Variants in DLC1 observed in about 807,000 individuals in gnomAD.
DLC1 encodes the protein DLC1 Rho GTPase activating protein.
Under a neutral mutation model 140.3 loss-of-function variants are expected in DLC1, and 54 were observed. That is an observed-to-expected ratio of 0.38 (90% CI 0.31 to 0.48). The LOEUF is 0.48. Among genes scored for constraint, DLC1 ranks in the 20% least tolerant of loss-of-function variants. The probability of loss-of-function intolerance (pLI) is 0.96; values close to 1 mark genes in which losing one functional copy is unlikely to be tolerated. For missense variants in DLC1, 2,536 were observed against 1,907.0 expected (o/e 1.33, Z -6.14); for synonymous variants, 986 against 728.1 (o/e 1.35, Z -5.70).
Position 13,533,028 on chromosome 8 carries a change from G to T in DLC1, c.-125-32832C>A, listed in dbSNP as rs913165902. Among the ~76,000 whole-genome samples the T allele has an allele frequency of 7.2e-5, 11 of 152,178 alleles. No homozygotes were observed. In the East Asian group the frequency reaches 1.5e-3, roughly 21 times the overall value. On this transcript the variant is annotated intron_variant, in intron 1 of 1. Transcript: ENST00000631382. ...TTAAAAAATTTGGAACTAGCCTGTG[G>T]AATAATTGTTAGATAAAATGGGAGT...
chr8:13,542,051 C>T (rs922117627), intron 1 of DLC1, among the ~76,000 whole-genome samples: 1 of 152,218 alleles, frequency 6.6e-6, no homozygotes, highest in African/African-American at 2.4e-5. Flanking sequence ...TGAGGGGCAA[C>T]TGTTTCTAAT....
chr8:13,521,098 G>A (rs1233845962), intron 1 of DLC1, among the ~76,000 whole-genome samples: 2 of 152,088 alleles, frequency 1.3e-5, no homozygotes, highest in African/African-American at 2.4e-5. Flanking sequence ...CATGTCCATT[G>A]CAGGGACATG....
rs1799245535 is a variant in DLC1, at chr8:13,453,527, TGTATATATATACATATATATATATATA to T, written c.1023+45495_1023+45521del. ...GTATATATATATACATATATATATA[TGTATATATATACATATATATATATATA>T]TATTTTTTTTTTTTTTTTTTCAGAT... On this transcript the variant is annotated intron_variant, in intron 2 of 17. Coordinates refer to ENST00000276297, the MANE Select transcript of DLC1 (RefSeq NM_182643.3). Among the ~76,000 whole-genome samples the T allele has an allele frequency of 9.0e-5, 5 of 55,494 alleles. 1 individual carries two copies. The highest frequency in any genetic ancestry group is 4.7e-4 in the African/African-American group (5 of 10,704). The allele number at this position is 55,494 out of a possible 152,430, so 36.4% of individuals were successfully genotyped here.
At chr8:13,563,387 A>G (rs536889416) in intron 1 of DLC1, among the ~76,000 whole-genome samples, 1 of 152,210 alleles carries the variant, frequency 6.6e-6, no homozygotes, top group African/African-American at 2.4e-5. Context: ...CAAAGTATTT[A>G]TGGACAAAAG....
At chr8:13,581,618 A>G (rs1307675067) in intron 1 of DLC1, among the ~76,000 whole-genome samples, 1 of 152,222 alleles carries the variant, frequency 6.6e-6, no homozygotes, top group Non-Finnish European at 1.5e-5. Flanking sequence ...CTATTGAATT[A>G]CATGTCTAAC....
At chr8:13,168,803 C>T (rs1168737203) in intron 5 of DLC1, among the ~76,000 whole-genome samples, 10 of 152,226 alleles carry the variant, frequency 6.6e-5, no homozygotes, top group African/African-American at 9.7e-5. Flanking sequence ...GTGACCTTCT[C>T]GTTGCTATAT....
chr8:13,471,197 G>C (rs1245591754), intron 2 of DLC1, among the ~76,000 whole-genome samples: 1 of 151,816 alleles, frequency 6.6e-6, no homozygotes, highest in Non-Finnish European at 1.5e-5. Flanking sequence ...GTTTTAATTA[G>C]TCTGGATGGA....
intron 5 of DLC1, among the ~76,000 whole-genome samples, chr8:13,284,446 A>G (rs1586069562): frequency 6.6e-6 from 1 of 152,068 alleles, no homozygotes; most frequent in South Asian, 2.1e-4. Flanking sequence ...AGAATTGCTT[A>G]AACCCGGGAG....
At chr8:13,122,066 G>T (rs1771562180) in intron 5 of DLC1, among the ~76,000 whole-genome samples, 1 of 152,056 alleles carries the variant, frequency 6.6e-6, no homozygotes, top group African/African-American at 2.4e-5. Context: ...ACGGAACTCT[G>T]ATAAGCCTCA....
chr8:13,199,647 T>C (rs1827268103), intron 5 of DLC1, among the ~76,000 whole-genome samples: 1 of 152,208 alleles, frequency 6.6e-6, no homozygotes, highest in Admixed American at 6.5e-5. Context: ...ATAGTTCCTA[T>C]ATTAAAATAT....
intron 1 of DLC1, among the ~76,000 whole-genome samples, chr8:13,577,062 C>T (rs1482763742): frequency 2.0e-5 from 3 of 152,116 alleles, no homozygotes; most frequent in Admixed American, 6.6e-5. Context: ...ACAGGTGGGA[C>T]GATGGCGTTA....
rs1491502803 is a variant in DLC1 at position 13,496,785 on chromosome 8, C to CTTTTTTTTTTTTTT, written c.1023+2263_1023+2264insAAAAAAAAAAAAAA. 7.3e-3 allele frequency among the ~76,000 whole-genome samples: 63 copies of CTTTTTTTTTTTTTT among 8,640 alleles called. 20 individuals are homozygous for CTTTTTTTTTTTTTT. Among genetic ancestry groups the CTTTTTTTTTTTTTT allele is most frequent in the Admixed American group, 0.02 (29 of 1,434 alleles). 5.7% of individuals were successfully genotyped at this position (8,640 alleles called of 152,430 possible). On this transcript the variant is annotated intron_variant, in intron 2 of 17. Transcript: ENST00000276297. ...TAATTAACAAATTCTTAGACCATTT[C>CTTTTTTTTTTTTTT]CTTTTTTTTTTTTTTTTTTTTTTTT...
chr8:13,153,888 G>C (rs768108723), intron 5 of DLC1, among the ~76,000 whole-genome samples: 3 of 152,152 alleles, frequency 2.0e-5, no homozygotes, highest in Non-Finnish European at 4.4e-5. Flanking sequence ...CCTTTAGCTA[G>C]ACATAAAGGT....
At chr8:13,488,934 C>A (rs563798262) in intron 2 of DLC1, among the ~76,000 whole-genome samples, 2 of 151,954 alleles carry the variant, frequency 1.3e-5, no homozygotes, top group African/African-American at 2.4e-5. Flanking sequence ...ATTCTAGGCT[C>A]AATTTTTTTT....
At chr8:13,544,269 C>A (rs1003193226) in intron 1 of DLC1, among the ~76,000 whole-genome samples, 1 of 151,320 alleles carries the variant, frequency 6.6e-6, no homozygotes, top group African/African-American at 2.4e-5. Flanking sequence ...ACTGACAAAC[C>A]CAATAATTTG....
At chr8:13,581,786 C>T (rs1225814886) in intron 1 of DLC1, among the ~76,000 whole-genome samples, 2 of 152,148 alleles carry the variant, frequency 1.3e-5, no homozygotes, top group African/African-American at 2.4e-5. Context: ...CAAGGTCCTC[C>T]GTGATTTGTC....
chr8:13,415,908 T>A (rs1333214140), intron 2 of DLC1, among the ~76,000 whole-genome samples: 1 of 152,170 alleles, frequency 6.6e-6, no homozygotes, highest in East Asian at 1.9e-4. Flanking sequence ...CCAACTGATG[T>A]TCTTGTATGT....
intron 5 of DLC1, chr8:13,214,298 C>T (rs2377): frequency 0.01 from 2,156 of 215,062 alleles, 56 homozygotes; most frequent in African/African-American, 0.046. Flanking sequence ...GGAGGGCATC[C>T]GTAAATGACC....
intron 16 of DLC1, among the ~76,000 whole-genome samples, chr8:13,086,939 T>G (rs1430684644): frequency 6.6e-6 from 1 of 152,134 alleles, no homozygotes; most frequent in East Asian, 1.9e-4. Flanking sequence ...ATGGTAGGAT[T>G]GCTTAAGCTG....
Sources: gnomAD v4.1 joint callset for allele counts (sites outside exome capture counted in the v4.1 genomes callset) on GRCh38, gnomAD v4.1.1 for gene constraint, MANE v1.5 for transcripts, NCBI Gene and HGNC (gene_info 2026-07-23, HGNC 2026-07-21) for gene names.